ACSM1: variants seen among roughly 807,000 people sequenced by gnomAD.
The protein encoded by ACSM1 is acyl-coenzyme A synthetase ACSM1, mitochondrial.
ACSM1 carries 79 observed loss-of-function variants against 75.8 expected under a neutral mutation model. The ratio of observed to expected loss-of-function variants is 1.04; its 90% CI spans 0.87 to 1.26. The LOEUF is 1.26. Among genes scored for constraint, ACSM1 ranks in the 50% most tolerant of loss-of-function variants. ACSM1 has a pLI of 0.00. For missense variants in ACSM1, 676 were observed against 720.1 expected, an observed-to-expected ratio of 0.94 and a Z score of 0.70; for synonymous variants, 279 against 265.8, an observed-to-expected ratio of 1.05 and a Z score of -0.48.
chr16:20,641,669 C>T (rs2018069796), intron 7 of ACSM1, among the ~76,000 whole-genome samples: 1 of 152,204 alleles, frequency 6.6e-6, no homozygotes, highest in Admixed American at 6.5e-5. Flanking sequence ...TTGATGGCCC[C>T]CTGGTCCCAC....
chr16:20,688,559 C>A (rs1438779137), intron 2 of ACSM1, among the ~76,000 whole-genome samples: 1 of 151,938 alleles, frequency 6.6e-6, no homozygotes, highest in Non-Finnish European at 1.5e-5. Context: ...AAGAGATTCT[C>A]AATAAGATTA....
chr16:20,643,013 C>G (rs1176161931), intron 7 of ACSM1, among the ~76,000 whole-genome samples: 2 of 152,242 alleles, frequency 1.3e-5, no homozygotes, highest in African/African-American at 4.8e-5. Context: ...AAGCACTTCA[C>G]TTTGAGAGTT....
At position 20,623,856 on chromosome 16, in the gene ACSM1, C is replaced by G. The variant is rs2016754978; in HGVS notation, c.1647+240G>C. On this transcript the variant is annotated intron_variant, in intron 13 of 13. Transcript: ENST00000520010. ...AGACTGACCACCCTCTCCTTCATCT[C>G]TTAGAGCAGCTGACAGGTCCCATAT... is the stretch of plus-strand genomic sequence containing the variant. Among the ~76,000 whole-genome samples, 4 of 152,334 alleles carry G rather than the reference C, an allele frequency of 2.6e-5. No homozygotes were observed. The South Asian group carries it at 8.3e-4, about 32-fold the overall frequency.
At chr16:20,669,292 G>C (rs1357378548) in intron 6 of ACSM1, among the ~76,000 whole-genome samples, 3 of 152,086 alleles carry the variant, frequency 2.0e-5, no homozygotes, top group Admixed American at 2.0e-4. Context: ...TTATGAGGTA[G>C]TAATTATTAA....
intron 7 of ACSM1, among the ~76,000 whole-genome samples, chr16:20,651,522 CAG>C (rs922151203): frequency 6.6e-6 from 1 of 152,068 alleles, no homozygotes; most frequent in Non-Finnish European, 1.5e-5. Flanking sequence ...CCAGCTACTC[CAG>C]AGGCTGAGGC....
At chr16:20,665,821 T>C (rs117144226) in intron 6 of ACSM1, among the ~76,000 whole-genome samples, 3,840 of 152,232 alleles carry the variant, frequency 0.025, 51 homozygotes, top group Non-Finnish European at 0.04. Context: ...GGATGCAAGG[T>C]TGGGTCAACA....
chr16:20,697,427 T>C (rs1173057207), intron 1 of ACSM1, among the ~76,000 whole-genome samples: 1 of 152,102 alleles, frequency 6.6e-6, no homozygotes, highest in Non-Finnish European at 1.5e-5. Flanking sequence ...TACATGTACG[T>C]TCCTATTTAT....
At chr16:20,673,726 G>A (rs1185194123) in intron 4 of ACSM1, among the ~76,000 whole-genome samples, 3 of 151,912 alleles carry the variant, frequency 2.0e-5, no homozygotes, top group Non-Finnish European at 4.4e-5. Context: ...ATTTTTCTTG[G>A]GGTCTTAAGT....
chr16:20,656,897 CAA>C (rs71377673), intron 7 of ACSM1, among the ~76,000 whole-genome samples: 1,606 of 120,000 alleles, frequency 0.013, 27 homozygotes, highest in African/African-American at 0.045. Context: ...GAAGAGGTTA[CAA>C]AAAAAAAAAA....
At chr16:20,664,558 G>A (rs2019470297) in intron 6 of ACSM1, among the ~76,000 whole-genome samples, 1 of 152,090 alleles carries the variant, frequency 6.6e-6, no homozygotes, top group African/African-American at 2.4e-5. Flanking sequence ...AATAGTGGGG[G>A]ACTTCAACAA....
intron 3 of ACSM1, among the ~76,000 whole-genome samples, chr16:20,683,813 C>A (rs1302818362): frequency 6.6e-6 from 1 of 151,828 alleles, no homozygotes; most frequent in East Asian, 1.9e-4. Context: ...CATGATCCAC[C>A]CACCTCAGCC....
chr16:20,635,626 TTCTTTCTTTCTTTCTTTC>T (rs1567251904), intron 10 of ACSM1, among the ~76,000 whole-genome samples: 1 of 121,228 alleles, frequency 8.2e-6, no homozygotes, highest in Non-Finnish European at 1.8e-5. Flanking sequence ...CTTTCTTTCT[TTCTTTCTTTCTTTCTTTC>T]TTTCTTTCAT....
At position 20,670,074 on chromosome 16, in the gene ACSM1, C is replaced by T. The variant is rs186855430; in HGVS notation, c.753-88G>A. On this transcript the variant is annotated intron_variant, in intron 5 of 13. Coordinates refer to ENST00000520010, the MANE Select transcript of ACSM1 (RefSeq NM_001318890.3). ...ACTCTGGTTTTTAGCTACGAACCCACCTTTCTCACTCTCAGTTCATGTGAT... is the reference window on the plus strand; with the variant it reads ...ACTCTGGTTTTTAGCTACGAACCCATCTTTCTCACTCTCAGTTCATGTGAT... 8.4e-4 allele frequency: 1,107 copies of T among 1,312,574 alleles called. 1 individual carries two copies. Among genetic ancestry groups the T allele is most frequent in the Non-Finnish European group, 1.0e-3 (957 of 937,078 alleles). 81.3% of individuals were successfully genotyped at this position (1,312,574 alleles called of 1,614,324 possible). A position where few individuals can be genotyped will look rare whatever the true frequency, so the allele number is the denominator to read the frequency against.
At chr16:20,629,546 A>G (rs1215480606) in intron 10 of ACSM1, among the ~76,000 whole-genome samples, 2 of 152,220 alleles carry the variant, frequency 1.3e-5, no homozygotes, top group African/African-American at 4.8e-5. Context: ...CACACAGAAG[A>G]CAAATAGCAA....
At chr16:20,637,290 G>T in intron 9 of ACSM1, 81 bp downstream of exon 9, 1 of 1,079,286 alleles carries the variant, frequency 9.3e-7, no homozygotes, top group Non-Finnish European at 1.4e-6. Context: ...GGGAAGTGCG[G>T]CTGGTGTTGT....
intron 6 of ACSM1, among the ~76,000 whole-genome samples, chr16:20,663,919 G>A (rs971004684): frequency 7.2e-5 from 11 of 152,116 alleles, no homozygotes; most frequent in African/African-American, 2.7e-4. Flanking sequence ...CATCATAGGT[G>A]TCTAAGGCCT....
At chr16:20,665,181 T>A (rs1345080901) in intron 6 of ACSM1, among the ~76,000 whole-genome samples, 2 of 151,652 alleles carry the variant, frequency 1.3e-5, no homozygotes, top group African/African-American at 4.8e-5. Context: ...GATGCAAAAG[T>A]TTATACAAAA....
At chr16:20,634,622 T>G (rs572683823) in intron 10 of ACSM1, among the ~76,000 whole-genome samples, 1 of 152,336 alleles carries the variant, frequency 6.6e-6, no homozygotes, top group African/African-American at 2.4e-5. Context: ...TATTTTCACT[T>G]ATATGAGGAA....
intron 7 of ACSM1, among the ~76,000 whole-genome samples, chr16:20,642,623 C>T (rs944199262): frequency 3.3e-5 from 5 of 152,196 alleles, no homozygotes; most frequent in African/African-American, 4.8e-5. Context: ...CCAGCTTATC[C>T]CCCGTGCAAT....
Sources: allele counts gnomAD v4.1 joint callset (sites outside exome capture counted in the v4.1 genomes callset), GRCh38; gene constraint gnomAD v4.1.1; transcripts MANE v1.5; gene names NCBI Gene and HGNC (gene_info 2026-07-23, HGNC 2026-07-21).